HNF4G: variants seen among roughly 807,000 people sequenced by gnomAD.
The protein encoded by HNF4G is hepatocyte nuclear factor 4-gamma.
A neutral mutation model predicts 50.9 loss-of-function variants in HNF4G; 21 were observed. The ratio of observed to expected loss-of-function variants is 0.41; its 90% CI spans 0.29 to 0.59. The LOEUF (loss-of-function observed/expected upper bound fraction) is 0.59. Ranked by LOEUF, HNF4G falls within the 20% of genes least tolerant of loss-of-function variation. HNF4G has a pLI of 0.26. For synonymous variants in HNF4G, 198 were observed against 185.6 expected (o/e 1.07, Z -0.54); for missense variants, 527 against 559.4 (o/e 0.94, Z 0.58).
Position 75,521,597 on chromosome 8 carries a change from CA to C in HNF4G, c.-23-22213del, listed in dbSNP as rs549112345. Reference sequence around the variant, plus strand: ...TAATAGTCCTGAATTCTGGTTCTAGCAGTTTCAGCCAGTTGAAGCTATGATC... The same window carrying C: ...TAATAGTCCTGAATTCTGGTTCTAGCGTTTCAGCCAGTTGAAGCTATGATC... On this transcript the variant is annotated intron_variant, in intron 2 of 10. Coordinates refer to the HNF4G transcript ENST00000354370. Among the ~76,000 whole-genome samples, 19 of 152,174 alleles carry C rather than the reference CA, an allele frequency of 1.2e-4. No individual in the cohort carries two copies. The East Asian group carries it at 3.7e-3, about 29-fold the overall frequency.
intron 2 of HNF4G, among the ~76,000 whole-genome samples, chr8:75,522,043 C>T (rs762341877): frequency 1.4e-4 from 22 of 152,180 alleles, no homozygotes; most frequent in Non-Finnish European, 2.8e-4. Flanking sequence ...TATTGGGACA[C>T]GTTTCCTTTG....
chr8:75,544,381 T>C (rs1806710655), intron 2 of HNF4G, among the ~76,000 whole-genome samples: 1 of 152,196 alleles, frequency 6.6e-6, no homozygotes, highest in Admixed American at 6.5e-5. Flanking sequence ...CATTTTAAAA[T>C]CTGCATTTAA....
chr8:75,481,246 A>G (rs1284902684), intron 1 of HNF4G, among the ~76,000 whole-genome samples: 2 of 152,168 alleles, frequency 1.3e-5, no homozygotes, highest in African/African-American at 4.8e-5. Flanking sequence ...ACACTTTATG[A>G]GCCATTTATG....
chr8:75,479,822 A>G (rs1812333055), intron 1 of HNF4G, among the ~76,000 whole-genome samples: 2 of 152,162 alleles, frequency 1.3e-5, no homozygotes, highest in Admixed American at 6.5e-5. Context: ...TATTTCCAGA[A>G]GATTATCCAT....
At chr8:75,562,328 G>A (rs1421952364) in intron 9 of HNF4G, among the ~76,000 whole-genome samples, 1 of 151,352 alleles carries the variant, frequency 6.6e-6, no homozygotes, top group Non-Finnish European at 1.5e-5. Context: ...ATGAGAAAGA[G>A]AAAGAAATGA....
chr8:75,550,214 A>G (rs1806907202), intron 3 of HNF4G, among the ~76,000 whole-genome samples: 1 of 152,174 alleles, frequency 6.6e-6, no homozygotes, highest in South Asian at 2.1e-4. Flanking sequence ...TAGGGGCTAC[A>G]TTCCTTGTTT....
At chr8:75,499,327 G>A (rs1812863312) in intron 2 of HNF4G, among the ~76,000 whole-genome samples, 1 of 151,956 alleles carries the variant, frequency 6.6e-6, no homozygotes, top group South Asian at 2.1e-4. Flanking sequence ...TAACAAAAGA[G>A]ATACAAGACT....
intron 3 of HNF4G, 101 bp downstream of exon 3, chr8:75,547,782 T>A: frequency 1.3e-6 from 1 of 759,324 alleles, no homozygotes; most frequent in Non-Finnish European, 2.2e-6. Flanking sequence ...GAGTTCTAAT[T>A]TTCCTCAATA....
intron 9 of HNF4G, among the ~76,000 whole-genome samples, chr8:75,563,604 A>T (rs945595205): frequency 2.0e-5 from 3 of 152,116 alleles, no homozygotes; most frequent in Non-Finnish European, 2.9e-5. Flanking sequence ...AAATATAAAC[A>T]TTGTTTTCTA....
chr8:75,556,074 G>T lies in HNF4G; in HGVS notation c.733+5G>T. The T allele has an allele frequency of 7.9e-7, 1 of 1,258,156 alleles. No individual in the cohort carries two copies. The highest frequency in any genetic ancestry group is 1.1e-6 in the Non-Finnish European group (1 of 905,236). The allele number at this position is 1,258,156 out of a possible 1,614,324, so 77.9% of individuals were successfully genotyped here. A position where few individuals can be genotyped will look rare whatever the true frequency, so the allele number is the denominator to read the frequency against. On this transcript the variant is annotated splice_donor_5th_base_variant and intron_variant, in intron 6 of 9. Coordinates refer to ENST00000396423, the MANE Select transcript of HNF4G (RefSeq NM_004133.5). ...ATAAAGATATTTTGCTTTTGGGTAA[G>T]TTTTTTTTTTTTAATTTAAGAAGAA... is the stretch of plus-strand genomic sequence containing the variant.
chr8:75,434,193 GA>G (rs1318825194), intron 1 of HNF4G, among the ~76,000 whole-genome samples: 4 of 151,622 alleles, frequency 2.6e-5, no homozygotes, highest in African/African-American at 9.7e-5. Context: ...TAGTACAGAT[GA>G]GGTTGTACCG....
At chr8:75,461,943 G>A (rs926797215) in intron 1 of HNF4G, among the ~76,000 whole-genome samples, 6 of 145,752 alleles carry the variant, frequency 4.1e-5, no homozygotes, top group Middle Eastern at 3.8e-3. Flanking sequence ...TTTAGATGGA[G>A]TTTTGCTCTT....
chr8:75,434,059 A>C (rs1341575294), intron 1 of HNF4G, among the ~76,000 whole-genome samples: 1 of 143,850 alleles, frequency 7.0e-6, no homozygotes, highest in Non-Finnish European at 1.5e-5. Flanking sequence ...GCTAGAGTGC[A>C]GTGGTGTGAT....
chr8:75,507,481 G>C (rs951752759), intron 2 of HNF4G, among the ~76,000 whole-genome samples: 1 of 152,104 alleles, frequency 6.6e-6, no homozygotes, highest in Non-Finnish European at 1.5e-5. Context: ...GGCTGGTCTC[G>C]AACTCTTGAC....
intron 1 of HNF4G, among the ~76,000 whole-genome samples, chr8:75,427,524 C>T (rs1412556096): frequency 2.0e-5 from 3 of 151,758 alleles, no homozygotes; most frequent in Non-Finnish European, 4.4e-5. Context: ...TTGCAGTGAG[C>T]TGAGATTGCA....
intron 1 of HNF4G, among the ~76,000 whole-genome samples, chr8:75,428,519 C>G (rs1484772392): frequency 6.6e-6 from 1 of 152,124 alleles, no homozygotes; most frequent in African/African-American, 2.4e-5. Context: ...TGCCATAAGA[C>G]TATGCAATAG....
chr8:75,456,314 T>G (rs1246791374), intron 1 of HNF4G, among the ~76,000 whole-genome samples: 2 of 152,054 alleles, frequency 1.3e-5, no homozygotes, highest in African/African-American at 4.8e-5. Flanking sequence ...ACAAAAACAT[T>G]TGAAAGTGGT....
intron 3 of HNF4G, among the ~76,000 whole-genome samples, chr8:75,549,268 A>G (rs1022534634): frequency 2.6e-5 from 4 of 152,220 alleles, no homozygotes; most frequent in Non-Finnish European, 5.9e-5. Flanking sequence ...TTAGATGGAA[A>G]CAAATAGAAG....
intron 8 of HNF4G, among the ~76,000 whole-genome samples, chr8:75,559,486 A>T (rs948052540): frequency 6.6e-6 from 1 of 151,888 alleles, no homozygotes; most frequent in African/African-American, 2.4e-5. Context: ...GTTGATTAGG[A>T]TGGTCTTGAT....
Sources: gnomAD v4.1 joint callset for allele counts (sites outside exome capture counted in the v4.1 genomes callset) on GRCh38, gnomAD v4.1.1 for gene constraint, MANE v1.5 for transcripts, NCBI Gene and HGNC (gene_info 2026-07-23, HGNC 2026-07-21) for gene names.